SGCD: variants seen among roughly 807,000 people sequenced by gnomAD.
The protein encoded by SGCD is delta-sarcoglycan.
A neutral mutation model predicts 36.6 loss-of-function variants in SGCD; 18 were observed. The ratio of observed to expected loss-of-function variants is 0.49; its 90% CI spans 0.34 to 0.73. The LOEUF (loss-of-function observed/expected upper bound fraction) is 0.73, where lower values mean the gene tolerates loss of function less well. SGCD is among the 30% of genes least tolerant of loss of function. The pLI, the probability that SGCD is intolerant of heterozygous loss-of-function variation, is 0.01. For synonymous variants in SGCD, 133 were observed against 130.6 expected, an observed-to-expected ratio of 1.02 and a Z score of -0.12; for missense variants, 387 against 346.7, an observed-to-expected ratio of 1.12 and a Z score of -0.92.
At chr5:155,935,868 C>T (rs1291953414) in intron 1 of SGCD, among the ~76,000 whole-genome samples, 1 of 152,180 alleles carries the variant, frequency 6.6e-6, no homozygotes, top group Non-Finnish European at 1.5e-5. Context: ...GCGGAGTTGT[C>T]AGGGGTGTGT....
rs117850055 is a variant in SGCD at position 155,983,283 on chromosome 5, T to C, written c.-282+112859T>C. On this transcript the variant is annotated intron_variant, in intron 1 of 9. Transcript: ENST00000517913. The stretch of plus-strand genomic sequence containing the variant: ...ACAGTTAAGTATCTTTCCTACCAGC[T>C]AGAAGAGCTAGGGCTCAAACGCAGG... Among the ~76,000 whole-genome samples, 291 of 152,322 alleles carry C rather than the reference T, an allele frequency of 1.9e-3. 2 individuals carry two copies. In the East Asian group the frequency reaches 0.022, roughly 12 times the overall value.
At chr5:156,460,001 A>G (rs1754416803) in intron 3 of SGCD, among the ~76,000 whole-genome samples, 1 of 152,200 alleles carries the variant, frequency 6.6e-6, no homozygotes, top group Non-Finnish European at 1.5e-5. Flanking sequence ...TAATGAAAGC[A>G]AAGGCATCAC....
intron 3 of SGCD, among the ~76,000 whole-genome samples, chr5:156,385,944 G>A (rs1771253141): frequency 6.6e-6 from 1 of 152,200 alleles, no homozygotes; most frequent in Non-Finnish European, 1.5e-5. Context: ...AGGTGGAGAT[G>A]TAGGAAAAGT....
chr5:156,627,502 G>A (rs1256607257), intron 6 of SGCD, among the ~76,000 whole-genome samples: 1 of 152,176 alleles, frequency 6.6e-6, no homozygotes, highest in Non-Finnish European at 1.5e-5. Context: ...ATATGATCCA[G>A]AGAGGATTTC....
intron 7 of SGCD, among the ~76,000 whole-genome samples, chr5:156,673,832 T>C (rs1392409152): frequency 6.6e-6 from 1 of 152,218 alleles, no homozygotes; most frequent in Non-Finnish European, 1.5e-5. Flanking sequence ...ATTCTTCAGA[T>C]AGATTTTTGC....
At chr5:156,601,455 T>G (rs975021319) in intron 6 of SGCD, among the ~76,000 whole-genome samples, 2 of 152,194 alleles carry the variant, frequency 1.3e-5, no homozygotes, top group African/African-American at 4.8e-5. Flanking sequence ...GGTGAGTGAA[T>G]TTATTTCTGG....
chr5:156,757,766 T>C, intron 8 of SGCD, 62 bp downstream of exon 8: 1 of 1,558,676 alleles, frequency 6.4e-7, no homozygotes, highest in East Asian at 2.3e-5. Flanking sequence ...ACCCTTCCCA[T>C]AACTGGTTGA....
chr5:156,021,663 C>A (rs1348028617), intron 1 of SGCD, among the ~76,000 whole-genome samples: 5 of 152,028 alleles, frequency 3.3e-5, no homozygotes, highest in Non-Finnish European at 5.9e-5. Context: ...TTAACTTGGG[C>A]CTCGGCAACC....
chr5:155,858,631 CTAAT>C, the SGCD span, among the ~76,000 whole-genome samples: 1 of 152,024 alleles, frequency 6.6e-6, no homozygotes, highest in Non-Finnish European at 1.5e-5. Flanking sequence ...ATTAAGTTAT[CTAAT>C]TAAGAAAGCA....
intron 3 of SGCD, among the ~76,000 whole-genome samples, chr5:156,402,692 T>C (rs1000187580): frequency 6.6e-6 from 1 of 152,174 alleles, no homozygotes; most frequent in Non-Finnish European, 1.5e-5. Flanking sequence ...CAGGGGTGTG[T>C]TTTTACTATT....
intron 3 of SGCD, among the ~76,000 whole-genome samples, chr5:156,389,605 A>G (rs573642446): frequency 7.4e-4 from 113 of 152,202 alleles, no homozygotes; most frequent in African/African-American, 2.6e-3. Flanking sequence ...TTCAGAATGA[A>G]ACTGTCCCAC....
intron 1 of SGCD, among the ~76,000 whole-genome samples, chr5:155,891,398 G>A (rs997645934): frequency 6.6e-5 from 10 of 152,014 alleles, no homozygotes; most frequent in South Asian, 2.1e-4. Flanking sequence ...TTTGCCATTC[G>A]TAAATTAAAG....
At chr5:156,488,443 A>G (rs1276939489) in intron 3 of SGCD, among the ~76,000 whole-genome samples, 2 of 152,128 alleles carry the variant, frequency 1.3e-5, no homozygotes, top group Admixed American at 1.3e-4. Flanking sequence ...ATTCCTCATC[A>G]AACTAACAGA....
intron 1 of SGCD, among the ~76,000 whole-genome samples, chr5:156,024,228 G>A (rs978840106): frequency 1.3e-5 from 2 of 151,990 alleles, no homozygotes; most frequent in African/African-American, 4.8e-5. Flanking sequence ...CAGGCAATGT[G>A]TGCTTTGATG....
chr5:156,713,536 C>T (rs1755092273), intron 7 of SGCD, among the ~76,000 whole-genome samples: 1 of 152,166 alleles, frequency 6.6e-6, no homozygotes, highest in African/African-American at 2.4e-5. Context: ...GTAAACGCTT[C>T]TCTGTCAGAA....
At chr5:156,088,227 G>A (rs1346570321) in intron 1 of SGCD, among the ~76,000 whole-genome samples, 1 of 151,922 alleles carries the variant, frequency 6.6e-6, no homozygotes, top group Non-Finnish European at 1.5e-5. Flanking sequence ...AGAGTTCTGG[G>A]GCCTTACTTC....
chr5:156,305,220 A>T (rs962135472), intron 3 of SGCD, among the ~76,000 whole-genome samples: 1 of 152,170 alleles, frequency 6.6e-6, no homozygotes, highest in African/African-American at 2.4e-5. Context: ...ATTCCCTCCC[A>T]TCACAGGTCA....
At chr5:156,410,111 A>C (rs78183775) in intron 3 of SGCD, among the ~76,000 whole-genome samples, 3,587 of 152,240 alleles carry the variant, frequency 0.024, 209 homozygotes, top group East Asian at 0.19. Context: ...TTGCAACACT[A>C]TTCACAATTG....
chr5:156,349,607 G>A (rs1415607417), intron 3 of SGCD, among the ~76,000 whole-genome samples: 5 of 152,170 alleles, frequency 3.3e-5, no homozygotes, highest in African/African-American at 1.2e-4. Context: ...TGTTGGTTTG[G>A]ATGTGGTGAA....
Sources: allele counts gnomAD v4.1 joint callset (sites outside exome capture counted in the v4.1 genomes callset), GRCh38; gene constraint gnomAD v4.1.1; transcripts MANE v1.5; gene names NCBI Gene and HGNC (gene_info 2026-07-23, HGNC 2026-07-21).